Variants in NSMCE2 observed in about 807,000 individuals in gnomAD.
NSMCE2 encodes the protein NSE2 SUMO ligase component of SMC5/6 complex.
Under a neutral mutation model 23.8 loss-of-function variants are expected in NSMCE2, and 24 were observed. The ratio of observed to expected loss-of-function variants is 1.01; its 90% CI spans 0.73 to 1.42. The LOEUF (loss-of-function observed/expected upper bound fraction) is 1.42. Ranked by LOEUF, NSMCE2 falls within the 40% of genes most tolerant of loss-of-function variation. The pLI is 0.00. For missense variants in NSMCE2, 284 were observed against 296.5 expected, an observed-to-expected ratio of 0.96 and a Z score of 0.31; for synonymous variants, 92 against 94.1, an observed-to-expected ratio of 0.98 and a Z score of 0.13.
At chr8:125,212,909 G>A (rs374077037) in intron 5 of NSMCE2, among the ~76,000 whole-genome samples, 9 of 152,160 alleles carry the variant, frequency 5.9e-5, no homozygotes, top group African/African-American at 1.4e-4. Context: ...CAAATATTTG[G>A]GGTAGGCAAG....
At chr8:125,248,142 T>G (rs1215840023) in intron 5 of NSMCE2, among the ~76,000 whole-genome samples, 1 of 152,210 alleles carries the variant, frequency 6.6e-6, no homozygotes, top group Non-Finnish European at 1.5e-5. Flanking sequence ...GATTTTAAGA[T>G]TAAAAATTGA....
intron 3 of NSMCE2, among the ~76,000 whole-genome samples, chr8:125,127,485 G>A (rs1819570506): frequency 1.3e-5 from 2 of 152,154 alleles, no homozygotes; most frequent in Admixed American, 1.3e-4. Flanking sequence ...AAAGATGAGT[G>A]CTCCTGTGGG....
intron 5 of NSMCE2, among the ~76,000 whole-genome samples, chr8:125,341,918 A>AC (rs1563795493): frequency 6.6e-6 from 1 of 150,680 alleles, no homozygotes; most frequent in Non-Finnish European, 1.5e-5. Flanking sequence ...AAAAAAAAAA[A>AC]AAAACCTGTC....
chr8:125,341,052 C>T (rs573202398), intron 5 of NSMCE2, among the ~76,000 whole-genome samples: 1 of 152,318 alleles, frequency 6.6e-6, no homozygotes, highest in South Asian at 2.1e-4. Context: ...GAGGCTTTCC[C>T]AATCACTTTA....
intron 5 of NSMCE2, among the ~76,000 whole-genome samples, chr8:125,213,136 G>T (rs1362195597): frequency 6.6e-6 from 1 of 152,172 alleles, no homozygotes; most frequent in African/African-American, 2.4e-5. Context: ...GAGTCGACCT[G>T]TATGAAAAAG....
intron 5 of NSMCE2, among the ~76,000 whole-genome samples, chr8:125,250,263 C>T (rs1429378722): frequency 6.6e-6 from 1 of 152,000 alleles, no homozygotes; most frequent in Non-Finnish European, 1.5e-5. Context: ...GCCACCACGC[C>T]CAGCAACACT....
At chr8:125,134,469 T>C (rs1819958596) in intron 3 of NSMCE2, among the ~76,000 whole-genome samples, 1 of 152,198 alleles carries the variant, frequency 6.6e-6, no homozygotes, top group Non-Finnish European at 1.5e-5. Flanking sequence ...TTCTAATAGA[T>C]ATGCAATGGT....
rs1821108932 is a variant in NSMCE2 at position 125,152,816 on chromosome 8, G to A, written c.264+1539G>A. On this transcript the variant is annotated intron_variant, in intron 4 of 7. Coordinates refer to ENST00000287437, the MANE Select transcript of NSMCE2 (RefSeq NM_173685.4). ...CTCACGCCTGTAATCTCAGCACTTTGGGAGGCCGAGGCAGGCGGATCACCT... is the reference window on the plus strand; with the variant it reads ...CTCACGCCTGTAATCTCAGCACTTTAGGAGGCCGAGGCAGGCGGATCACCT... Among the ~76,000 whole-genome samples the A allele has an allele frequency of 2.0e-5, 3 of 152,158 alleles. No individual in the cohort carries two copies. The South Asian group carries it at 6.2e-4, about 32-fold the overall frequency.
intron 5 of NSMCE2, among the ~76,000 whole-genome samples, chr8:125,279,731 C>G (rs905780341): frequency 6.6e-6 from 1 of 152,066 alleles, no homozygotes; most frequent in African/African-American, 2.4e-5. Context: ...AATAAGCATC[C>G]ATATTTAAAA....
chr8:125,222,308 G>A (rs993390714), intron 5 of NSMCE2, among the ~76,000 whole-genome samples: 1 of 152,026 alleles, frequency 6.6e-6, no homozygotes, highest in African/African-American at 2.4e-5. Context: ...TGTATACCTT[G>A]CAGAATAATT....
chr8:125,110,600 G>C (rs1563655487), intron 3 of NSMCE2, among the ~76,000 whole-genome samples: 1 of 152,112 alleles, frequency 6.6e-6, no homozygotes, highest in Non-Finnish European at 1.5e-5. Flanking sequence ...AGGTCACAAA[G>C]TTAGTAAATG....
intron 5 of NSMCE2, among the ~76,000 whole-genome samples, chr8:125,246,896 C>G (rs1176997792): frequency 6.6e-6 from 1 of 151,640 alleles, no homozygotes; most frequent in Non-Finnish European, 1.5e-5. Context: ...TCTTTTTTTT[C>G]TTTTTCTCTT....
At chr8:125,104,094 G>A (rs1395575759) in intron 3 of NSMCE2, among the ~76,000 whole-genome samples, 1 of 151,472 alleles carries the variant, frequency 6.6e-6, no homozygotes, top group Non-Finnish European at 1.5e-5. Flanking sequence ...GGGTTCAAGC[G>A]ATTCTCCTGC....
At chr8:125,272,016 T>TTC (rs1554629419) in intron 5 of NSMCE2, among the ~76,000 whole-genome samples, 4 of 146,348 alleles carry the variant, frequency 2.7e-5, no homozygotes, top group Admixed American at 6.8e-5. Context: ...GTTTCTTTCT[T>TTC]TTTTTTTTTT....
At chr8:125,200,961 G>T (rs982881479) in intron 5 of NSMCE2, among the ~76,000 whole-genome samples, 5 of 152,032 alleles carry the variant, frequency 3.3e-5, no homozygotes, top group Non-Finnish European at 7.4e-5. Flanking sequence ...TGATCGAATC[G>T]GGTATTGAAG....
chr8:125,242,896 G>A (rs1297404145), intron 5 of NSMCE2, among the ~76,000 whole-genome samples: 2 of 152,208 alleles, frequency 1.3e-5, no homozygotes, highest in Non-Finnish European at 2.9e-5. Context: ...TAGACAAGGA[G>A]AGGAGAGTCA....
chr8:125,345,416 T>C (rs1345321571), intron 5 of NSMCE2, among the ~76,000 whole-genome samples: 1 of 152,218 alleles, frequency 6.6e-6, no homozygotes. Context: ...CATCTTTTTA[T>C]TGTGGTAAAT....
intron 4 of NSMCE2, among the ~76,000 whole-genome samples, chr8:125,169,435 C>T (rs934622387): frequency 3.3e-5 from 5 of 152,126 alleles, no homozygotes; most frequent in Non-Finnish European, 5.9e-5. Context: ...ATTCAGTGTC[C>T]CACAGTGACG....
intron 5 of NSMCE2, among the ~76,000 whole-genome samples, chr8:125,276,312 C>A (rs1292502038): frequency 6.6e-6 from 1 of 152,154 alleles, no homozygotes; most frequent in South Asian, 2.1e-4. Context: ...GATTTGCTTC[C>A]AACTTGCTGT....
Sources: gnomAD v4.1 joint callset for allele counts (sites outside exome capture counted in the v4.1 genomes callset) on GRCh38, gnomAD v4.1.1 for gene constraint, MANE v1.5 for transcripts, NCBI Gene and HGNC (gene_info 2026-07-23, HGNC 2026-07-21) for gene names.